The following BSCL2 variants were observed in gnomAD, a reference collection of about 807,000 sequenced individuals.
The protein encoded by BSCL2 is BSCL2 lipid droplet biogenesis associated, seipin.
BSCL2 carries 41 observed loss-of-function variants against 57.4 expected under a neutral mutation model. The observed-to-expected ratio is 0.71, with a 90% CI of 0.56 to 0.93. The LOEUF (loss-of-function observed/expected upper bound fraction) is 0.93. BSCL2 is among the 40% of genes least tolerant of loss of function. The pLI is 0.00. For missense variants in BSCL2, 539 were observed against 586.7 expected (o/e 0.92, Z 0.84); for synonymous variants, 237 against 227.3 (o/e 1.04, Z -0.38).
At chr11:62,701,006 A>G (rs561834777) in intron 3 of BSCL2, among the ~76,000 whole-genome samples, 1 of 151,870 alleles carries the variant, frequency 6.6e-6, no homozygotes, top group Non-Finnish European at 1.5e-5. Context: ...CTTGCCTACT[A>G]TAGAGGGCCC....
chr11:62,702,597 C>A, intron 2 of BSCL2, 48 bp from the exon 3 acceptor site: 2 of 1,525,678 alleles, frequency 1.3e-6, no homozygotes, highest in Non-Finnish European at 1.8e-6. Context: ...TCTTACTAGT[C>A]CATCCATACA....
In BSCL2 at chr11:62,694,628, G is replaced by A. The variant is rs1206021020; in HGVS notation, c.570C>T (p.Phe190=). Residue 190 remains phenylalanine, a synonymous_variant, in exon 4 of 11, where the codon TTC becomes TTT. Coordinates refer to ENST00000360796, the MANE Select transcript of BSCL2 (RefSeq NM_001122955.4). ...ESPVNQDLGM[F]LVTISCYTRG... The stretch of plus-strand genomic sequence containing the variant: ...TGGTGTAGCAGGAAATGGTGACCAA[G>A]AACATGCCCAAATCTTGATTCACAG... The A allele has an allele frequency of 1.2e-6, 2 of 1,614,122 alleles. No homozygotes were observed. Among genetic ancestry groups the A allele is most frequent in the South Asian group, 2.2e-5 (2 of 91,082 alleles).
chr11:62,709,000 C>T (rs2083588529), upstream of BSCL2: 2 of 576,470 alleles, frequency 3.5e-6, no homozygotes, highest in Non-Finnish European at 6.3e-6. Flanking sequence ...TTGTGGCCGA[C>T]CCCAAGCACC....
At chr11:62,708,958 C>T, upstream of BSCL2, 1 of 683,614 alleles carries the variant, frequency 1.5e-6, no homozygotes, top group Non-Finnish European at 2.6e-6. Flanking sequence ...GGCCCACCCT[C>T]ACCTATCTGT....
rs182394754 is a variant in BSCL2, at chr11:62,697,163, G to A, written c.487-2452C>T. ...TAATCCCAGCACTTTGGGAGGCCAA[G>A]GCGGGCAGAAGACGAGGTCAGGAGA... On this transcript the variant is annotated intron_variant, in intron 3 of 10. Transcript: ENST00000360796. Among the ~76,000 whole-genome samples the A allele has an allele frequency of 5.4e-3, 824 of 152,164 alleles. 8 individuals carry two copies. The highest frequency in any genetic ancestry group is 0.02 in the South Asian group (97 of 4,822).
chr11:62,709,501 G>A (rs755247893), upstream of BSCL2: 7 of 453,922 alleles, frequency 1.5e-5, no homozygotes, highest in Admixed American at 1.2e-4. Flanking sequence ...TCGTACAGCA[G>A]AGGAACTCTT....
At chr11:62,695,490 C>T (rs1300310047) in intron 3 of BSCL2, among the ~76,000 whole-genome samples, 4 of 151,120 alleles carry the variant, frequency 2.6e-5, no homozygotes, top group Non-Finnish European at 5.9e-5. Flanking sequence ...AGGTGGATCA[C>T]CTGAGGTCAG....
At chr11:62,709,329 G>A (rs1307444407), upstream of BSCL2, 1 of 454,074 alleles carries the variant, frequency 2.2e-6, no homozygotes. Context: ...AGGGGTCGGG[G>A]GATGGCGGGC....
chr11:62,700,084 TAAAAAAAA>T (rs34412546), intron 3 of BSCL2, among the ~76,000 whole-genome samples: 1 of 80,226 alleles, frequency 1.2e-5, no homozygotes, highest in Non-Finnish European at 2.4e-5. Context: ...TACTAAAAAT[TAAAAAAAA>T]AAAAAAAAAA....
At chr11:62,696,358 G>C (rs1358924602) in intron 3 of BSCL2, among the ~76,000 whole-genome samples, 1 of 150,026 alleles carries the variant, frequency 6.7e-6, no homozygotes, top group East Asian at 2.0e-4. Context: ...GCAGTGGCAT[G>C]ATCATGGCTC....
chr11:62,704,217 C>T (rs147612674), intron 2 of BSCL2, among the ~76,000 whole-genome samples: 48 of 151,250 alleles, frequency 3.2e-4, no homozygotes, highest in African/African-American at 1.0e-3. Context: ...GAGGCCAAGG[C>T]GGATGGATCA....
intron 4 of BSCL2, among the ~76,000 whole-genome samples, chr11:62,693,304 G>C (rs1044102134): frequency 2.6e-5 from 4 of 152,048 alleles, no homozygotes; most frequent in Non-Finnish European, 5.9e-5. Context: ...AGGAGTTCGA[G>C]ACCAGCCTGG....
intron 6 of BSCL2, 145 bp from the exon 7 acceptor site, chr11:62,691,566 TC>T: frequency 1.0e-6 from 1 of 1,001,150 alleles, no homozygotes; most frequent in Non-Finnish European, 1.5e-6. Context: ...CCACACAGTT[TC>T]CAGAACCTGC....
intron 3 of BSCL2, 58 bp downstream of exon 3, chr11:62,702,410 C>CTTCCTA: frequency 6.7e-7 from 1 of 1,482,188 alleles, no homozygotes; most frequent in Non-Finnish European, 9.4e-7. Context: ...TTTCTCAAGT[C>CTTCCTA]TTCCTATTTT....
intron 3 of BSCL2, among the ~76,000 whole-genome samples, chr11:62,696,030 G>A (rs1326777784): frequency 7.2e-5 from 11 of 152,138 alleles, no homozygotes; most frequent in Middle Eastern, 3.4e-3. Context: ...AAAATTAGCC[G>A]GGCGTGGTAG....
chr11:62,699,146 G>A (rs1190900586), intron 3 of BSCL2, among the ~76,000 whole-genome samples: 5 of 151,140 alleles, frequency 3.3e-5, no homozygotes, highest in Non-Finnish European at 5.9e-5. Flanking sequence ...CTCATGATCC[G>A]CCCGCCTCGG....
At chr11:62,696,203 G>T (rs570943493) in intron 3 of BSCL2, among the ~76,000 whole-genome samples, 5 of 151,916 alleles carry the variant, frequency 3.3e-5, no homozygotes, top group African/African-American at 1.2e-4. Flanking sequence ...ACTATCTGTT[G>T]AAGAAAATGG....
intron 2 of BSCL2, 136 bp from the exon 3 acceptor site, chr11:62,702,685 T>C (rs1945680318): frequency 7.0e-6 from 5 of 709,948 alleles, no homozygotes; most frequent in Non-Finnish European, 1.3e-5. Flanking sequence ...GTTACAAAGA[T>C]GGAGAACAAA....
chr11:62,691,395 G>C lies in BSCL2; in HGVS notation c.890C>G (p.Thr297Ser), dbSNP rs770308765. 6.2e-7 allele frequency: 1 copy of C among 1,614,202 alleles called. No homozygotes were observed. Among genetic ancestry groups the C allele is most frequent in the South Asian group, 1.1e-5 (1 of 91,080 alleles). Residue 297 changes from threonine (T) to serine (S), a missense_variant, in exon 7 of 11, where the codon ACC becomes AGC. Thr to Ser is a moderately conservative substitution (Grantham distance 58). Around this residue, in one of 3 missense-constraint regions of BSCL2, gnomAD observed 248 missense variants for 239.9 expected, o/e 1.03. Coordinates refer to ENST00000360796, the MANE Select transcript of BSCL2 (RefSeq NM_001122955.4). ...LRYLLYNFPM[T>S]CAFIGVASNF... ...GCTGGCAACACCTATGAAGGCGCAG[G>C]TCATCGGGAAGTTGTATAGCAGGTA...
Sources: gnomAD v4.1 joint callset for allele counts (sites outside exome capture counted in the v4.1 genomes callset) on GRCh38, gnomAD v4.1.1 for gene constraint, gnomAD v4.1.1 regional missense constraint, MANE v1.5 for transcripts, NCBI Gene and HGNC (gene_info 2026-07-23, HGNC 2026-07-21) for gene names.